Variants in DLGAP4 observed in about 807,000 individuals in gnomAD.
The protein encoded by DLGAP4 is disks large-associated protein 4.
DLGAP4 carries 18 observed loss-of-function variants against 86.9 expected under a neutral mutation model. That is an observed-to-expected ratio of 0.21 (90% CI 0.14 to 0.31). DLGAP4 has a LOEUF of 0.31. Ranked by LOEUF, DLGAP4 falls within the 10% of genes least tolerant of loss-of-function variation. The pLI, the probability that DLGAP4 is intolerant of heterozygous loss-of-function variation, is 1.00. For missense variants in DLGAP4, 1,085 were observed against 1,362.6 expected (o/e 0.80, Z 3.21); for synonymous variants, 548 against 574.3 (o/e 0.95, Z 0.65).
chr20:36,410,558 G>C (rs970608817), intron 2 of DLGAP4, among the ~76,000 whole-genome samples: 4 of 152,198 alleles, frequency 2.6e-5, no homozygotes, highest in East Asian at 3.8e-4. Context: ...TCCAGCATCT[G>C]CTTCTGATGA....
chr20:36,306,403 G>T lies in DLGAP4; in HGVS notation c.-413G>T. The T allele has an allele frequency of 6.7e-6, 1 of 149,518 alleles. No homozygotes were observed. Among genetic ancestry groups the T allele is most frequent in the South Asian group, 1.8e-4 (1 of 5,548 alleles). The allele number at this position is 149,518 out of a possible 1,614,324, so 9.3% of individuals were successfully genotyped here. A position where few individuals can be genotyped will look rare whatever the true frequency, so the allele number is the denominator to read the frequency against. On this transcript the variant is annotated 5_prime_UTR_variant, in exon 1 of 13. Transcript: ENST00000339266. This position sits in a 1 kb window ranked among gnomAD's most constrained non-coding sequence, Gnocchi z 4.9. ...CATGGGGCGCCCGCGGGCCGGAGCC[G>T]GGGCGGGGGCCGGGGCCTAGGCGCG...
intron 1 of DLGAP4, among the ~76,000 whole-genome samples, chr20:36,315,106 G>A (rs1271605326): frequency 1.4e-5 from 2 of 145,120 alleles, no homozygotes; most frequent in Non-Finnish European, 3.0e-5. Flanking sequence ...GATGTGTGGT[G>A]TGTGATGTGT....
At chr20:36,337,267 T>C (rs2065332128) in intron 1 of DLGAP4, among the ~76,000 whole-genome samples, 1 of 151,712 alleles carries the variant, frequency 6.6e-6, no homozygotes, top group African/African-American at 2.4e-5. Context: ...GTTTTAGGGG[T>C]TACTGCTCAT....
intron 2 of DLGAP4, among the ~76,000 whole-genome samples, chr20:36,413,219 C>T (rs2147505300): frequency 6.6e-6 from 1 of 151,910 alleles, no homozygotes; most frequent in South Asian, 2.1e-4. Context: ...CTCAGATGAT[C>T]CACCCACCTC....
At chr20:36,494,779 CT>C (rs1308817373) in intron 7 of DLGAP4, among the ~76,000 whole-genome samples, 11 of 152,286 alleles carry the variant, frequency 7.2e-5, no homozygotes, top group African/African-American at 2.6e-4. Flanking sequence ...TAGTGACCAC[CT>C]CTGCCCTAGC....
chr20:36,446,578 G>A, intron 6 of DLGAP4, 119 bp from the exon 7 acceptor site: 1 of 887,436 alleles, frequency 1.1e-6, no homozygotes, highest in Non-Finnish European at 1.7e-6. Context: ...ATGGACAGGG[G>A]TGGGCTGAGG....
At chr20:36,425,993 A>C (rs182790051) in intron 2 of DLGAP4, among the ~76,000 whole-genome samples, 25 of 152,354 alleles carry the variant, frequency 1.6e-4, no homozygotes, top group Admixed American at 1.4e-3. Flanking sequence ...CCAGGTGTCC[A>C]TCCAAAGATG....
intron 10 of DLGAP4, among the ~76,000 whole-genome samples, chr20:36,518,222 G>T (rs975494081): frequency 4.7e-5 from 7 of 147,508 alleles, no homozygotes; most frequent in African/African-American, 1.8e-4. Context: ...ACAAGACTCG[G>T]TCTCAAAAAA....
chr20:36,402,209 G>A (rs907772064), intron 2 of DLGAP4, among the ~76,000 whole-genome samples: 2 of 152,162 alleles, frequency 1.3e-5, no homozygotes, highest in African/African-American at 4.8e-5. Flanking sequence ...CTGACAAAAA[G>A]GAACTACCTG....
intron 2 of DLGAP4, among the ~76,000 whole-genome samples, chr20:36,379,078 G>C (rs1270835860): frequency 6.6e-6 from 1 of 152,194 alleles, no homozygotes; most frequent in Non-Finnish European, 1.5e-5. Flanking sequence ...TGCCAAGAGA[G>C]AGGGGGCCAC....
chr20:36,495,092 A>T (rs923985662), intron 7 of DLGAP4, among the ~76,000 whole-genome samples: 6 of 129,816 alleles, frequency 4.6e-5, no homozygotes, highest in Non-Finnish European at 9.3e-5. Context: ...TCCCAAGTTT[A>T]AGCAATTCTC....
intron 7 of DLGAP4, among the ~76,000 whole-genome samples, chr20:36,480,190 G>A (rs1350381497): frequency 6.6e-6 from 1 of 152,128 alleles, no homozygotes; most frequent in African/African-American, 2.4e-5. Flanking sequence ...TATTTTGAAG[G>A]GGGCAGGGTA....
chr20:36,500,445 C>T lies in DLGAP4; in HGVS notation c.2346C>T (p.Pro782=). Residue 782 remains proline (P), a synonymous_variant, in exon 10 of 13, where the codon CCC becomes CCT. Transcript: ENST00000339266. The surrounding 1 kb of genome is among the most constrained non-coding windows in gnomAD (Gnocchi z 4.6). ...CGTCCTCGCTGCCCCCACCCGACCC[C>T]TGGCTCGAGACCTCCTCCAGCTCCC... ...LEASSLPPPD[P]WLETSSSSPA... The T allele has an allele frequency of 4.4e-6, 7 of 1,579,690 alleles. No individual in the cohort carries two copies. Among genetic ancestry groups the T allele is most frequent in the Non-Finnish European group, 6.0e-6 (7 of 1,160,798 alleles).
chr20:36,329,482 G>A (rs143425553), intron 1 of DLGAP4, among the ~76,000 whole-genome samples: 15 of 152,194 alleles, frequency 9.9e-5, no homozygotes, highest in Non-Finnish European at 1.3e-4. Flanking sequence ...CAGACACAGC[G>A]CAAACCTTGT....
chr20:36,478,583 G>A (rs1030561441), intron 7 of DLGAP4, among the ~76,000 whole-genome samples: 1 of 152,230 alleles, frequency 6.6e-6, no homozygotes, highest in Admixed American at 6.5e-5. Flanking sequence ...TTATGAGAGT[G>A]TACTGTAGTC....
intron 7 of DLGAP4, among the ~76,000 whole-genome samples, chr20:36,454,810 C>G (rs765726705): frequency 2.0e-5 from 3 of 152,200 alleles, no homozygotes; most frequent in African/African-American, 7.2e-5. Flanking sequence ...TCAAGCAGGG[C>G]GTGGGCAGGG....
At chr20:36,406,978 G>C (rs924170896) in intron 2 of DLGAP4, among the ~76,000 whole-genome samples, 1 of 152,100 alleles carries the variant, frequency 6.6e-6, no homozygotes, top group Non-Finnish European at 1.5e-5. Context: ...GGGGTGTAGG[G>C]GACAGCGGGA....
chr20:36,466,572 G>T (rs1323273985), intron 7 of DLGAP4, among the ~76,000 whole-genome samples: 1 of 152,190 alleles, frequency 6.6e-6, no homozygotes, highest in African/African-American at 2.4e-5. Context: ...AGATTTCCCA[G>T]ACCTGACTGT....
chr20:36,376,108 C>A (rs1218209991), intron 2 of DLGAP4, among the ~76,000 whole-genome samples: 6 of 152,128 alleles, frequency 3.9e-5, no homozygotes, highest in African/African-American at 1.2e-4. Flanking sequence ...AAGTGATCCT[C>A]CTGCCTTGGC....
Sources: gnomAD v4.1 joint callset for allele counts (sites outside exome capture counted in the v4.1 genomes callset) on GRCh38, gnomAD v4.1.1 for gene constraint, Gnocchi (gnomAD v3.1) non-coding constraint, MANE v1.5 for transcripts, NCBI Gene and HGNC (gene_info 2026-07-23, HGNC 2026-07-21) for gene names.